PRMT3: variants seen among roughly 807,000 people sequenced by gnomAD.
PRMT3 encodes protein arginine N-methyltransferase 3.
Under a neutral mutation model 71.9 loss-of-function variants are expected in PRMT3, and 62 were observed. That is an observed-to-expected ratio of 0.86 (90% confidence interval 0.70 to 1.07). The LOEUF (loss-of-function observed/expected upper bound fraction) is 1.07, where lower values mean the gene tolerates loss of function less well. Ranked by LOEUF, PRMT3 falls within the 50% of genes least tolerant of loss-of-function variation. The pLI is 0.00. For synonymous variants in PRMT3, 213 were observed against 220.4 expected (o/e 0.97, Z 0.30); for missense variants, 663 against 643.0 (o/e 1.03, Z -0.34).
chr11:20,404,248 T>G (rs1448073088), intron 8 of PRMT3, among the ~76,000 whole-genome samples: 1 of 59,854 alleles, frequency 1.7e-5, no homozygotes, highest in East Asian at 3.5e-4. Flanking sequence ...TTTTTTTTTT[T>G]TTTTGAGACA....
intron 15 of PRMT3, among the ~76,000 whole-genome samples, chr11:20,499,916 A>G (rs983584670): frequency 5.9e-5 from 9 of 152,210 alleles, no homozygotes; most frequent in African/African-American, 1.9e-4. Flanking sequence ...AAATGTAGCT[A>G]TAAAACCAGA....
chr11:20,493,675 C>T (rs1470847860), intron 13 of PRMT3, among the ~76,000 whole-genome samples: 2 of 152,200 alleles, frequency 1.3e-5, no homozygotes, highest in Admixed American at 6.5e-5. Context: ...GATTATTTCT[C>T]TAATAAAATG....
chr11:20,451,528 G>C (rs1850149027), intron 10 of PRMT3, among the ~76,000 whole-genome samples: 1 of 151,528 alleles, frequency 6.6e-6, no homozygotes, highest in South Asian at 2.1e-4. Flanking sequence ...AAAGTCACTA[G>C]ACAGGAAATT....
chr11:20,461,728 A>G (rs1021953779), intron 11 of PRMT3, among the ~76,000 whole-genome samples: 1 of 152,188 alleles, frequency 6.6e-6, no homozygotes, highest in African/African-American at 2.4e-5. Flanking sequence ...GTTTAATTAT[A>G]TAACCCTATT....
chr11:20,476,892 A>AT (rs35243487), intron 13 of PRMT3, among the ~76,000 whole-genome samples: 3,308 of 152,162 alleles, frequency 0.022, 123 homozygotes, highest in African/African-American at 0.074. Context: ...TAAGGGTCAC[A>AT]TTTTTCAGTT....
In PRMT3 at chr11:20,492,063, AG is replaced by A. The variant is rs1851220276; in HGVS notation, c.1348-1852del. ...CTACTATATAACATTGTATTGGGTA[AG>A]GGGCATAGAAGTGAGTTATACATAT... On this transcript the variant is annotated intron_variant, in intron 13 of 15. Coordinates refer to ENST00000331079, the MANE Select transcript of PRMT3 (RefSeq NM_005788.4). Among the ~76,000 whole-genome samples, 3 of 152,222 alleles carry A rather than the reference AG, an allele frequency of 2.0e-5. No individual in the cohort carries two copies. The South Asian group carries it at 6.2e-4, about 32-fold the overall frequency.
intron 13 of PRMT3, among the ~76,000 whole-genome samples, chr11:20,472,627 G>GTGTTC: frequency 7.8e-6 from 1 of 128,376 alleles, no homozygotes; most frequent in Admixed American, 8.8e-5. Context: ...TTGGCCTGAA[G>GTGTTC]TTTTCTTTTT....
Position 20,424,417 on chromosome 11 carries a change from A to G in PRMT3, c.894-2349A>G, listed in dbSNP as rs561900569. Among the ~76,000 whole-genome samples, 10 of 152,344 alleles carry G rather than the reference A, an allele frequency of 6.6e-5. No individual in the cohort carries two copies. In the South Asian group the frequency reaches 2.1e-3, roughly 32 times the overall value. On this transcript the variant is annotated intron_variant, in intron 9 of 15. Coordinates refer to ENST00000331079, the MANE Select transcript of PRMT3 (RefSeq NM_005788.4). Reference sequence around the variant, plus strand: ...ATGGTTGTTTTTGACAAAGATATCAAAGTAATTCCGTAAGTTAGTGATAGT... The same window carrying G: ...ATGGTTGTTTTTGACAAAGATATCAGAGTAATTCCGTAAGTTAGTGATAGT...
intron 10 of PRMT3, among the ~76,000 whole-genome samples, chr11:20,444,513 T>C (rs1230207817): frequency 6.6e-6 from 1 of 152,182 alleles, no homozygotes; most frequent in Non-Finnish European, 1.5e-5. Flanking sequence ...CTTTGGTCCA[T>C]GGATTATTTA....
chr11:20,492,131 TA>T (rs1851222350), intron 13 of PRMT3, among the ~76,000 whole-genome samples: 1 of 152,216 alleles, frequency 6.6e-6, no homozygotes, highest in Non-Finnish European at 1.5e-5. Context: ...CAAACTGTAA[TA>T]TACTATCGTA....
At chr11:20,423,374 C>T (rs1448491992) in intron 9 of PRMT3, among the ~76,000 whole-genome samples, 2 of 152,084 alleles carry the variant, frequency 1.3e-5, no homozygotes, top group African/African-American at 2.4e-5. Flanking sequence ...TATTGTTGTA[C>T]AGGAGTTGGT....
chr11:20,416,200 G>A (rs1849413755), intron 9 of PRMT3, among the ~76,000 whole-genome samples: 1 of 152,084 alleles, frequency 6.6e-6, no homozygotes, highest in Admixed American at 6.6e-5. Flanking sequence ...CTGTAGTGCA[G>A]CCAGACTGAT....
chr11:20,448,167 A>G (rs944943931), intron 10 of PRMT3, among the ~76,000 whole-genome samples: 1 of 152,012 alleles, frequency 6.6e-6, no homozygotes. Flanking sequence ...CTTCTATTTA[A>G]AGTAACCAAA....
chr11:20,425,106 TAA>T (rs35341753), intron 9 of PRMT3, among the ~76,000 whole-genome samples: 72 of 136,372 alleles, frequency 5.3e-4, no homozygotes, highest in Admixed American at 7.3e-4. Context: ...ACCCTGTCTT[TAA>T]AAAAAAAAAA....
At chr11:20,398,452 ATTT>A (rs902287106) in intron 7 of PRMT3, among the ~76,000 whole-genome samples, 1 of 150,876 alleles carries the variant, frequency 6.6e-6, no homozygotes, top group East Asian at 1.9e-4. Flanking sequence ...ATAATGCCAT[ATTT>A]TTTTTTGTTG....
intron 15 of PRMT3, among the ~76,000 whole-genome samples, chr11:20,504,711 A>T (rs79485538): frequency 0.16 from 7,296 of 46,730 alleles, 392 homozygotes; most frequent in African/African-American, 0.28. Flanking sequence ...TGTGTGTGAG[A>T]GAGAGAGAGA....
At chr11:20,501,442 G>T (rs534321601) in intron 15 of PRMT3, among the ~76,000 whole-genome samples, 1 of 152,132 alleles carries the variant, frequency 6.6e-6, no homozygotes, top group East Asian at 1.9e-4. Context: ...GCCAACTCTG[G>T]TGTTACCAGA....
At position 20,467,628 on chromosome 11, in the gene PRMT3, A is replaced by C. The variant is rs368626968; in HGVS notation, c.1347+3082A>C. Among the ~76,000 whole-genome samples the C allele has an allele frequency of 0.02, 16 of 812 alleles. No homozygotes were observed. The Non-Finnish European group carries it at 0.27, about 14-fold the overall frequency. The allele number at this position is 812 out of a possible 152,430, so 0.5% of individuals were successfully genotyped here. Reference sequence around the variant, plus strand: ...TGTATAATCAGAATTCACTCTTCTTAAGAGACAGGCCTCACAGATTCATGT... The same window carrying C: ...TGTATAATCAGAATTCACTCTTCTTCAGAGACAGGCCTCACAGATTCATGT... On this transcript the variant is annotated intron_variant, in intron 13 of 15. Coordinates refer to ENST00000331079, the MANE Select transcript of PRMT3 (RefSeq NM_005788.4).
rs569591037 is a variant in PRMT3, at chr11:20,464,659, A to G, written c.1347+113A>G. 4.7e-5 allele frequency: 69 copies of G among 1,479,622 alleles called. No individual in the cohort carries two copies. The East Asian group carries it at 1.6e-3, about 34-fold the overall frequency. The allele number at this position is 1,479,622 out of a possible 1,614,324, so 91.7% of individuals were successfully genotyped here. A position where few individuals can be genotyped will look rare whatever the true frequency, so the allele number is the denominator to read the frequency against. On this transcript the variant is annotated intron_variant, in intron 13 of 15. Transcript: ENST00000331079. ...AATGAAAATGACTATTGCCTCTGAC[A>G]GTCTACCATTGCCTTTGCTAGGCCA...
Sources: allele counts gnomAD v4.1 joint callset (sites outside exome capture counted in the v4.1 genomes callset), GRCh38; gene constraint gnomAD v4.1.1; transcripts MANE v1.5; gene names NCBI Gene and HGNC (gene_info 2026-07-23, HGNC 2026-07-21).